Variants in DCP1A observed in about 807,000 individuals in gnomAD.
DCP1A encodes the protein decapping mRNA 1A, also known as mRNA-decapping enzyme 1A.
A neutral mutation model predicts 58.0 loss-of-function variants in DCP1A; 20 were observed. The ratio of observed to expected loss-of-function variants is 0.34; its 90% confidence interval spans 0.24 to 0.50. The LOEUF (loss-of-function observed/expected upper bound fraction) is 0.50, where lower values mean the gene tolerates loss of function less well. Ranked by LOEUF, DCP1A falls within the 20% of genes least tolerant of loss-of-function variation. The pLI is 0.98. For synonymous variants in DCP1A, 285 were observed against 275.1 expected, an observed-to-expected ratio of 1.04 and a Z score of -0.36; for missense variants, 613 against 712.2, an observed-to-expected ratio of 0.86 and a Z score of 1.59.
chr3:53,288,340 A>G, intron 8 of DCP1A, 57 bp from the exon 9 acceptor site: 2 of 1,392,006 alleles, frequency 1.4e-6, no homozygotes, highest in Non-Finnish European at 2.0e-6. Context: ...AGCCAGGCCC[A>G]GAATAGGGAC....
At chr3:53,305,885 A>G (rs1707455141) in intron 5 of DCP1A, among the ~76,000 whole-genome samples, 1 of 152,150 alleles carries the variant, frequency 6.6e-6, no homozygotes, top group South Asian at 2.1e-4. Flanking sequence ...AATGAAAATA[A>G]TCTTGTTCTT....
intron 4 of DCP1A, among the ~76,000 whole-genome samples, chr3:53,318,649 C>T (rs1288622708): frequency 1.3e-5 from 2 of 152,162 alleles, no homozygotes; most frequent in East Asian, 3.8e-4. Context: ...CAAGGGCTGG[C>T]TTCTACAGGC....
At chr3:53,308,089 A>G (rs1426656648) in intron 5 of DCP1A, among the ~76,000 whole-genome samples, 8 of 152,142 alleles carry the variant, frequency 5.3e-5, no homozygotes, top group African/African-American at 1.9e-4. Context: ...ACTTGGACAT[A>G]TTTTTGCAAG....
At chr3:53,324,860 T>A (rs1161492485) in intron 3 of DCP1A, among the ~76,000 whole-genome samples, 4 of 151,796 alleles carry the variant, frequency 2.6e-5, no homozygotes, top group Admixed American at 6.6e-5. Context: ...GTTTATTTTT[T>A]AAAAATTTGT....
At chr3:53,307,456 C>A (rs1329150894) in intron 5 of DCP1A, among the ~76,000 whole-genome samples, 1 of 152,192 alleles carries the variant, frequency 6.6e-6, no homozygotes, top group Non-Finnish European at 1.5e-5. Flanking sequence ...TGCTTCAGTT[C>A]CACCCGGCCT....
Position 53,292,234 on chromosome 3 carries a change from T to C in DCP1A, c.1218A>G (p.Gln406=). The change falls in exon 7 of 10, where the codon CAA becomes CAG. Residue 406 remains glutamine, a synonymous_variant. Coordinates refer to ENST00000610213, the MANE Select transcript of DCP1A (RefSeq NM_018403.7). ...CTTTCCCAAGTGGTTGTGTCTGTATTTGGTCATGCTGTGGGGTCAACCTGA... is the reference window on the plus strand; with the variant it reads ...CTTTCCCAAGTGGTTGTGTCTGTATCTGGTCATGCTGTGGGGTCAACCTGA... ...QKLRLTPQHD[Q]IQTQPLGKGA... 1 of 1,613,958 alleles carries C rather than the reference T, an allele frequency of 6.2e-7. No homozygotes were observed. The highest frequency in any genetic ancestry group is 8.5e-7 in the Non-Finnish European group (1 of 1,179,890).
intron 3 of DCP1A, among the ~76,000 whole-genome samples, chr3:53,331,774 C>T (rs1297316619): frequency 6.6e-6 from 1 of 152,154 alleles, no homozygotes; most frequent in Admixed American, 6.6e-5. Flanking sequence ...GATAGGTAAG[C>T]ACATAGATAT....
At chr3:53,326,438 G>A (rs1039842582) in intron 3 of DCP1A, among the ~76,000 whole-genome samples, 1 of 152,228 alleles carries the variant, frequency 6.6e-6, no homozygotes, top group African/African-American at 2.4e-5. Context: ...AGCTTCCAAA[G>A]TGTGGTGTAA....
intron 5 of DCP1A, among the ~76,000 whole-genome samples, chr3:53,308,981 G>A (rs1187744324): frequency 6.6e-6 from 1 of 151,990 alleles, no homozygotes; most frequent in Non-Finnish European, 1.5e-5. Context: ...ACAACCATCC[G>A]CACCCCCCTG....
At chr3:53,314,818 T>C (rs1477066047) in intron 4 of DCP1A, among the ~76,000 whole-genome samples, 2 of 151,874 alleles carry the variant, frequency 1.3e-5, no homozygotes, top group East Asian at 1.9e-4. Flanking sequence ...ATTACAGGTA[T>C]GCACTATCAT....
intron 1 of DCP1A, among the ~76,000 whole-genome samples, chr3:53,346,787 T>C (rs929689173): frequency 6.6e-6 from 1 of 152,178 alleles, no homozygotes; most frequent in East Asian, 1.9e-4. Context: ...GGGGATCCAG[T>C]GAACACGGAA....
At chr3:53,296,962 T>A (rs1042936399) in intron 6 of DCP1A, among the ~76,000 whole-genome samples, 1 of 152,258 alleles carries the variant, frequency 6.6e-6, no homozygotes, top group Non-Finnish European at 1.5e-5. Flanking sequence ...ATCACCGAAC[T>A]GTTTTTTTCC....
intron 4 of DCP1A, among the ~76,000 whole-genome samples, chr3:53,316,596 CTTTTTTTTTTTT>C (rs11351636): frequency 4.5e-5 from 5 of 112,350 alleles, no homozygotes; most frequent in African/African-American, 1.8e-4. Context: ...TTCTTCTTCC[CTTTTTTTTTTTT>C]TTTTTTTTTT....
At chr3:53,337,644 C>G (rs2089139668) in intron 3 of DCP1A, among the ~76,000 whole-genome samples, 1 of 152,218 alleles carries the variant, frequency 6.6e-6, no homozygotes, top group Non-Finnish European at 1.5e-5. Flanking sequence ...GGGATATATT[C>G]TGCAGCTTTT....
At chr3:53,315,476 T>G (rs1553689143) in intron 4 of DCP1A, among the ~76,000 whole-genome samples, 1 of 145,668 alleles carries the variant, frequency 6.9e-6, no homozygotes. Flanking sequence ...AGGGCGGAGG[T>G]TACAGTGAAC....
intron 3 of DCP1A, among the ~76,000 whole-genome samples, chr3:53,327,622 T>C (rs1237162489): frequency 6.6e-6 from 1 of 150,738 alleles, no homozygotes; most frequent in Non-Finnish European, 1.5e-5. Flanking sequence ...AAACCCCATC[T>C]CTACTAAAAA....
chr3:53,320,087 C>T (rs964244560), intron 3 of DCP1A, among the ~76,000 whole-genome samples: 4 of 151,590 alleles, frequency 2.6e-5, no homozygotes, highest in Non-Finnish European at 5.9e-5. Flanking sequence ...GAGATCACGC[C>T]ACTGCACTCC....
At chr3:53,306,473 T>A (rs1553688065) in intron 5 of DCP1A, among the ~76,000 whole-genome samples, 1 of 152,106 alleles carries the variant, frequency 6.6e-6, no homozygotes, top group Non-Finnish European at 1.5e-5. Flanking sequence ...TCCCAGCACT[T>A]CAGGAAGCTG....
At chr3:53,332,163 C>G (rs1274504559) in intron 3 of DCP1A, among the ~76,000 whole-genome samples, 1 of 152,264 alleles carries the variant, frequency 6.6e-6, no homozygotes, top group Admixed American at 6.5e-5. Context: ...AGTGTATGAA[C>G]CCCATAGCTA....
Sources: gnomAD v4.1 joint callset for allele counts (sites outside exome capture counted in the v4.1 genomes callset) on GRCh38, gnomAD v4.1.1 for gene constraint, MANE v1.5 for transcripts, NCBI Gene and HGNC (gene_info 2026-07-23, HGNC 2026-07-21) for gene names.